Variants in PARD3 observed in about 807,000 individuals in gnomAD.
PARD3 encodes partitioning defective 3 homolog.
Under a neutral mutation model 155.4 loss-of-function variants are expected in PARD3, and 75 were observed. The ratio of observed to expected loss-of-function variants is 0.48; its 90% CI spans 0.40 to 0.58. PARD3 has a LOEUF of 0.58. Among genes scored for constraint, PARD3 ranks in the 20% least tolerant of loss-of-function variants. PARD3 has a pLI of 0.00. For missense variants in PARD3, 1,642 were observed against 1,721.7 expected (o/e 0.95, Z 0.82); for synonymous variants, 576 against 610.5 (o/e 0.94, Z 0.83).
chr10:34,792,826 C>G (rs1309380119), intron 1 of PARD3, among the ~76,000 whole-genome samples: 2 of 152,242 alleles, frequency 1.3e-5, no homozygotes, highest in African/African-American at 4.8e-5. Flanking sequence ...TCAGCTCACT[C>G]GCTCTTAAAT....
intron 23 of PARD3, among the ~76,000 whole-genome samples, chr10:34,127,497 G>T (rs541657300): frequency 6.6e-6 from 1 of 152,228 alleles, no homozygotes; most frequent in African/African-American, 2.4e-5. Flanking sequence ...AGTTCTACTG[G>T]AGAGTTCTGA....
chr10:34,779,490 G>A (rs949790407), intron 1 of PARD3, among the ~76,000 whole-genome samples: 1 of 151,694 alleles, frequency 6.6e-6, no homozygotes, highest in Admixed American at 6.6e-5. Flanking sequence ...GCATGGTGGC[G>A]GGCTCCTGTA....
At chr10:34,742,314 C>T (rs770696197) in intron 1 of PARD3, among the ~76,000 whole-genome samples, 2 of 152,282 alleles carry the variant, frequency 1.3e-5, no homozygotes, top group Middle Eastern at 3.4e-3. Flanking sequence ...TCAGTAGTCA[C>T]GATAAATATC....
chr10:34,115,873 T>C (rs1292550171), intron 24 of PARD3, among the ~76,000 whole-genome samples: 1 of 152,022 alleles, frequency 6.6e-6, no homozygotes, highest in Non-Finnish European at 1.5e-5. Flanking sequence ...CCACCAAGCC[T>C]GGCTAATGTT....
At chr10:34,609,215 C>T (rs1462902908) in intron 2 of PARD3, among the ~76,000 whole-genome samples, 1 of 152,174 alleles carries the variant, frequency 6.6e-6, no homozygotes, top group East Asian at 1.9e-4. Flanking sequence ...GGTACATTTT[C>T]AACTCAGTTA....
At chr10:34,341,914 T>A (rs1164177279) in intron 15 of PARD3, 98 bp from the exon 16 acceptor site, 3 of 697,686 alleles carry the variant, frequency 4.3e-6, no homozygotes, top group Non-Finnish European at 7.1e-6. Context: ...AAAGTCTAAT[T>A]TTCCACATAT....
chr10:34,319,012 C>T (rs906237215), intron 19 of PARD3, among the ~76,000 whole-genome samples: 9 of 151,022 alleles, frequency 6.0e-5, no homozygotes, highest in Non-Finnish European at 1.3e-4. Flanking sequence ...AGCTCCTGAC[C>T]TCGTGATCTC....
chr10:34,181,823 C>A (rs867940852), intron 22 of PARD3, among the ~76,000 whole-genome samples: 4 of 152,000 alleles, frequency 2.6e-5, no homozygotes, highest in Middle Eastern at 3.2e-3. Context: ...AAATCGCTAC[C>A]GACAGTGCAT....
intron 2 of PARD3, among the ~76,000 whole-genome samples, chr10:34,602,401 C>G: frequency 6.6e-6 from 1 of 152,078 alleles, no homozygotes; most frequent in East Asian, 1.9e-4. Flanking sequence ...GTTTCCTGCT[C>G]TAATTATGAA....
chr10:34,171,328 C>T (rs1949780468), intron 22 of PARD3, among the ~76,000 whole-genome samples: 1 of 152,142 alleles, frequency 6.6e-6, no homozygotes, highest in South Asian at 2.1e-4. Context: ...TAGAGAGAGG[C>T]TTTTGCAGCA....
intron 5 of PARD3, among the ~76,000 whole-genome samples, chr10:34,416,149 C>T (rs188992043): frequency 4.3e-4 from 65 of 152,228 alleles, no homozygotes; most frequent in Admixed American, 3.5e-3. Context: ...TAGGACACAC[C>T]GCTTGTAAAC....
chr10:34,296,241 G>C (rs11009719), intron 20 of PARD3, among the ~76,000 whole-genome samples: 5,678 of 152,212 alleles, frequency 0.037, 299 homozygotes, highest in African/African-American at 0.11. Flanking sequence ...CAAAGAACAT[G>C]TTGGACTAGA....
Position 34,613,809 on chromosome 10 carries a change from G to A in PARD3, c.222+82509C>T, listed in dbSNP as rs146412938. ...GTTTATGGGAGAAACCAACTAGGGT[G>A]AATGTGGAGAAACCATTTTGCATCT... is the stretch of plus-strand genomic sequence containing the variant. On this transcript the variant is annotated intron_variant, in intron 2 of 24. Coordinates refer to ENST00000374788, the MANE Select transcript of PARD3 (RefSeq NM_001184785.2). Among the ~76,000 whole-genome samples, 250 of 152,356 alleles carry A rather than the reference G, an allele frequency of 1.6e-3. 2 individuals carry two copies. In the East Asian group the frequency reaches 0.035, roughly 21 times the overall value.
chr10:34,567,189 T>C (rs180761365), intron 2 of PARD3, among the ~76,000 whole-genome samples: 70 of 152,338 alleles, frequency 4.6e-4, no homozygotes, highest in Non-Finnish European at 8.1e-4. Flanking sequence ...TGCTAGGTGA[T>C]GTGCAATAGA....
intron 3 of PARD3, among the ~76,000 whole-genome samples, chr10:34,508,138 T>C (rs1380670401): frequency 1.3e-5 from 2 of 152,188 alleles, no homozygotes; most frequent in Admixed American, 6.5e-5. Context: ...ATAACAATTA[T>C]TGATATTTCT....
At chr10:34,784,842 G>C (rs370106213) in intron 1 of PARD3, among the ~76,000 whole-genome samples, 7 of 152,046 alleles carry the variant, frequency 4.6e-5, no homozygotes, top group African/African-American at 1.7e-4. Context: ...ACTGTCAAGC[G>C]GAAACATCAC....
intron 3 of PARD3, among the ~76,000 whole-genome samples, chr10:34,507,511 C>T (rs1408181879): frequency 7.2e-6 from 1 of 138,056 alleles, no homozygotes; most frequent in Non-Finnish European, 1.5e-5. Flanking sequence ...CCGATCCCTG[C>T]CAATGAGCAC....
At chr10:34,284,536 C>G (rs113579203) in intron 20 of PARD3, among the ~76,000 whole-genome samples, 10 of 152,236 alleles carry the variant, frequency 6.6e-5, no homozygotes, top group East Asian at 1.9e-4. Context: ...CCTTATTAAA[C>G]AATTAATACA....
At chr10:34,381,934 A>G (rs377519787) in intron 9 of PARD3, among the ~76,000 whole-genome samples, 4,211 of 145,038 alleles carry the variant, frequency 0.029, 66 homozygotes, top group Non-Finnish European at 0.045. Context: ...AAAAAAAAAA[A>G]AAAAAAAGAA....
Sources: allele counts gnomAD v4.1 joint callset (sites outside exome capture counted in the v4.1 genomes callset), GRCh38; gene constraint gnomAD v4.1.1; transcripts MANE v1.5; gene names NCBI Gene and HGNC (gene_info 2026-07-23, HGNC 2026-07-21).